Variants in TRAPPC9 observed in about 807,000 individuals in gnomAD.
The protein encoded by TRAPPC9 is IKK2 binding protein.
A neutral mutation model predicts 124.0 loss-of-function variants in TRAPPC9; 83 were observed. The ratio of observed to expected loss-of-function variants is 0.67; its 90% CI spans 0.56 to 0.80. The LOEUF (loss-of-function observed/expected upper bound fraction) is 0.80. Ranked by LOEUF, TRAPPC9 falls within the 30% of genes least tolerant of loss-of-function variation. The pLI, the probability that TRAPPC9 is intolerant of heterozygous loss-of-function variation, is 0.00. For synonymous variants in TRAPPC9, 638 were observed against 617.5 expected (o/e 1.03, Z -0.49); for missense variants, 1,302 against 1,508.3 (o/e 0.86, Z 2.27).
rs752722432 is a variant in TRAPPC9 at position 140,284,028 on chromosome 8, T to C, written c.1982-7A>G. On this transcript the variant is annotated splice_polypyrimidine_tract_variant and splice_region_variant and intron_variant, in intron 13 of 22. Transcript: ENST00000438773. ...AAGACCGTGGTATGGTAACCTGGAATAGAAAAGGAACTTCTTCACTCCACT... is the reference window on the plus strand; with the variant it reads ...AAGACCGTGGTATGGTAACCTGGAACAGAAAAGGAACTTCTTCACTCCACT... The C allele has an allele frequency of 3.7e-6, 6 of 1,613,950 alleles. No homozygotes were observed. The highest frequency in any genetic ancestry group is 3.3e-5 in the South Asian group (3 of 91,076).
At chr8:139,783,466 G>C (rs540423983) in intron 21 of TRAPPC9, among the ~76,000 whole-genome samples, 2 of 152,240 alleles carry the variant, frequency 1.3e-5, no homozygotes, top group South Asian at 4.1e-4. Context: ...TACTACCAAA[G>C]TTCACTAAAG....
chr8:140,128,581 A>G (rs1411007643), intron 17 of TRAPPC9, among the ~76,000 whole-genome samples: 1 of 152,278 alleles, frequency 6.6e-6, no homozygotes, highest in Non-Finnish European at 1.5e-5. Flanking sequence ...GGAAACTGGC[A>G]CTAATTGAAT....
Position 140,252,720 on chromosome 8 carries a change from G to A in TRAPPC9, c.2431+57C>T. Reference sequence around the variant, plus strand: ...AAACAGCAGGCATCAAGGGATGGGGGTTGCTACACAGTATCTAGGACCCTG... The same window carrying A: ...AAACAGCAGGCATCAAGGGATGGGGATTGCTACACAGTATCTAGGACCCTG... On this transcript the variant is annotated intron_variant, in intron 16 of 22. Transcript: ENST00000438773. This position sits in a 1 kb window ranked among gnomAD's most constrained non-coding sequence, Gnocchi z 4.2. 1 of 1,596,436 alleles carries A rather than the reference G, an allele frequency of 6.3e-7. No individual in the cohort carries two copies. The highest frequency in any genetic ancestry group is 8.5e-7 in the Non-Finnish European group (1 of 1,171,516).
At chr8:139,937,393 C>A (rs1259112822) in intron 19 of TRAPPC9, among the ~76,000 whole-genome samples, 1 of 152,186 alleles carries the variant, frequency 6.6e-6, no homozygotes, top group East Asian at 1.9e-4. Flanking sequence ...ACTTTTCCTT[C>A]TTTTCTAAAA....
chr8:140,365,765 G>T (rs1350824132), intron 8 of TRAPPC9, among the ~76,000 whole-genome samples: 2 of 152,222 alleles, frequency 1.3e-5, no homozygotes, highest in Non-Finnish European at 2.9e-5. Context: ...CATCTAATAA[G>T]GACAATTTAT....
At chr8:139,903,986 G>T (rs1003878869) in intron 20 of TRAPPC9, among the ~76,000 whole-genome samples, 2 of 152,084 alleles carry the variant, frequency 1.3e-5, no homozygotes, top group East Asian at 1.9e-4. Context: ...CTCCAGCCTG[G>T]GTGCCAAGAG....
intron 21 of TRAPPC9, among the ~76,000 whole-genome samples, chr8:139,856,734 C>CA (rs35682231): frequency 0.045 from 5,836 of 128,508 alleles, 326 homozygotes; most frequent in African/African-American, 0.15. Flanking sequence ...CCAGCACCTG[C>CA]AAAAAAAAAA....
In TRAPPC9 at chr8:140,221,540, C is replaced by T. The variant is rs756688439; in HGVS notation, c.2475G>A (p.Arg825=). 4.3e-6 allele frequency: 7 copies of T among 1,614,006 alleles called. No homozygotes were observed. The highest frequency in any genetic ancestry group is 2.2e-5 in the East Asian group (1 of 44,890). The change falls in exon 17 of 23, where the codon CGG becomes CGA. Residue 825 remains arginine, a synonymous_variant. Coordinates refer to ENST00000438773, the MANE Select transcript of TRAPPC9 (RefSeq NM_001160372.4). ...CCTCCACTCGGGGCCGAACGACCTG[C>T]CGAAAAGGACTGGACAGGGGAAAGC... ...VSGFPLSSPF[R]QVVRPRVEGK...
At chr8:139,996,305 T>C (rs1837992795) in intron 18 of TRAPPC9, among the ~76,000 whole-genome samples, 1 of 150,238 alleles carries the variant, frequency 6.7e-6, no homozygotes, top group Non-Finnish European at 1.5e-5. Context: ...CACCCAGATC[T>C]CACTAATACT....
At chr8:140,160,294 G>A (rs2061723161) in intron 17 of TRAPPC9, among the ~76,000 whole-genome samples, 1 of 152,138 alleles carries the variant, frequency 6.6e-6, no homozygotes, top group Non-Finnish European at 1.5e-5. Flanking sequence ...TCCCATTACT[G>A]GGTATATACC....
rs561551723 is a variant in TRAPPC9, at chr8:139,837,119, G to A, written c.3055+48760C>T. The stretch of plus-strand genomic sequence containing the variant: ...GGGAACAAACCAGGAAGTGAACAGA[G>A]AAACCCTCGGTAAACTTCAAAGCTC... On this transcript the variant is annotated intron_variant, in intron 21 of 22. Transcript: ENST00000438773. Among the ~76,000 whole-genome samples, 97 of 152,284 alleles carry A rather than the reference G, an allele frequency of 6.4e-4. 1 individual carries two copies. The highest frequency in any genetic ancestry group is 2.2e-3 in the African/African-American group (91 of 41,564).
rs1587716921 is a variant in TRAPPC9, at chr8:140,104,976, C to A, written c.2557-80897G>T. Among the ~76,000 whole-genome samples the A allele has an allele frequency of 6.6e-6, 1 of 152,300 alleles. No homozygotes were observed. The highest frequency in any genetic ancestry group is 1.9e-4 in the East Asian group (1 of 5,182). On this transcript the variant is annotated intron_variant, in intron 17 of 22. Coordinates refer to ENST00000438773, the MANE Select transcript of TRAPPC9 (RefSeq NM_001160372.4). The surrounding 1 kb of genome is among the most constrained non-coding windows in gnomAD (Gnocchi z 4.0). ...ATCGTGGCAGGGTCCCACTCAGCAG[C>A]AGCCCTGACTGCGTGGCTCCTGGGA...
chr8:139,946,098 G>C (rs191936446), intron 19 of TRAPPC9, among the ~76,000 whole-genome samples: 2 of 152,304 alleles, frequency 1.3e-5, no homozygotes, highest in African/African-American at 4.8e-5. Flanking sequence ...ATCCCCAAGG[G>C]GGGAGGTGGA....
At chr8:139,782,497 G>A (rs919812850) in intron 21 of TRAPPC9, among the ~76,000 whole-genome samples, 4 of 152,062 alleles carry the variant, frequency 2.6e-5, no homozygotes, top group African/African-American at 7.2e-5. Flanking sequence ...AGTATAAAGG[G>A]GTCAATTCCT....
chr8:139,875,292 C>T (rs150927608), intron 21 of TRAPPC9, among the ~76,000 whole-genome samples: 359 of 152,130 alleles, frequency 2.4e-3, no homozygotes, highest in African/African-American at 8.0e-3. Context: ...TCCTTTCTCC[C>T]GTCCACATGA....
chr8:140,009,186 A>G (rs1838959417), intron 18 of TRAPPC9, among the ~76,000 whole-genome samples: 1 of 152,200 alleles, frequency 6.6e-6, no homozygotes, highest in African/African-American at 2.4e-5. Context: ...TTGATACTTC[A>G]GAAGAACATC....
Position 140,311,353 on chromosome 8 carries a change from C to T in TRAPPC9, c.1517G>A (p.Ser506Asn). Reference sequence around the variant, plus strand: ...ACACTTGGACGTATAGTTCTCTAGGCTTTGGGCCACATCTTTCTTTTCTGA... The same window carrying T: ...ACACTTGGACGTATAGTTCTCTAGGTTTTGGGCCACATCTTTCTTTTCTGA... The part of the protein sequence containing the change: ...SDQEKKDVAQ[S>N]LENYTSKCPG... The change falls in exon 10 of 23, where the codon AGC (serine) becomes AAC (asparagine). Residue 506 changes from serine to asparagine, a missense_variant. By Grantham distance (46) the Ser-to-Asn change is conservative. Around this residue, in one of 3 missense-constraint regions of TRAPPC9, gnomAD observed 657 missense variants for 811.2 expected, o/e 0.81. Coordinates refer to ENST00000438773, the MANE Select transcript of TRAPPC9 (RefSeq NM_001160372.4). 2 of 1,613,976 alleles carry T rather than the reference C, an allele frequency of 1.2e-6. No homozygotes were observed. Among genetic ancestry groups the T allele is most frequent in the Non-Finnish European group, 1.7e-6 (2 of 1,180,024 alleles).
intron 16 of TRAPPC9, among the ~76,000 whole-genome samples, chr8:140,251,925 G>C (rs969221820): frequency 6.6e-6 from 1 of 152,126 alleles, no homozygotes; most frequent in Non-Finnish European, 1.5e-5. Context: ...TGTTTAAGCT[G>C]TTCTGTCTGT....
At chr8:140,293,178 C>T (rs2065711069) in intron 11 of TRAPPC9, among the ~76,000 whole-genome samples, 1 of 148,150 alleles carries the variant, frequency 6.7e-6, no homozygotes. Flanking sequence ...CCATCTCACA[C>T]CAGTTAGAAT....
Sources: gnomAD v4.1 joint callset for allele counts (sites outside exome capture counted in the v4.1 genomes callset) on GRCh38, gnomAD v4.1.1 for gene constraint, gnomAD v4.1.1 regional missense constraint, Gnocchi (gnomAD v3.1) non-coding constraint, MANE v1.5 for transcripts, NCBI Gene and HGNC (gene_info 2026-07-23, HGNC 2026-07-21) for gene names.